Variants in BRD10 observed in about 807,000 individuals in gnomAD.
BRD10 encodes the protein bromodomain containing 10, also known as uncharacterized bromodomain-containing protein 10.
At chr9:5,948,420 T>C in the BRD10 span, among the ~76,000 whole-genome samples, 1 of 152,056 alleles carries the variant, frequency 6.6e-6, no homozygotes, top group East Asian at 1.9e-4. Context: ...TTTTATTAAA[T>C]GGTAATATTA....
At chr9:5,923,128 G>T in the BRD10 span, 1 of 1,613,946 alleles carries the variant, frequency 6.2e-7, no homozygotes, top group Admixed American at 1.7e-5. Flanking sequence ...TCTCATTTGT[G>T]CTTAACTTTG....
chr9:5,989,282 T>C, the BRD10 span, among the ~76,000 whole-genome samples: 14 of 132,220 alleles, frequency 1.1e-4, 1 homozygote, highest in South Asian at 3.3e-3. Context: ...TAGTCAGGCA[T>C]GGTGGTGAGC....
At chr9:5,900,180 T>C in the BRD10 span, among the ~76,000 whole-genome samples, 1 of 152,190 alleles carries the variant, frequency 6.6e-6, no homozygotes, top group Non-Finnish European at 1.5e-5. Flanking sequence ...CTTAAATTCA[T>C]TTAATTGAAA....
the BRD10 span, among the ~76,000 whole-genome samples, chr9:5,952,468 ACTG>A: frequency 5.8e-4 from 88 of 152,236 alleles, no homozygotes; most frequent in East Asian, 2.1e-3. Context: ...ACATATTCAC[ACTG>A]CTATGTGTAG....
the BRD10 span, among the ~76,000 whole-genome samples, chr9:6,003,468 C>T: frequency 6.6e-6 from 1 of 152,170 alleles, no homozygotes; most frequent in Non-Finnish European, 1.5e-5. Context: ...TGCTATTTCT[C>T]ACAGTTGCCT....
chr9:5,924,262 A>G, the BRD10 span, among the ~76,000 whole-genome samples: 10 of 152,044 alleles, frequency 6.6e-5, no homozygotes, highest in Admixed American at 5.9e-4. Flanking sequence ...TGAAACTCCT[A>G]GAAATGTAAT....
At chr9:5,982,634 T>C in the BRD10 span, among the ~76,000 whole-genome samples, 3 of 152,220 alleles carry the variant, frequency 2.0e-5, no homozygotes, top group African/African-American at 4.8e-5. Context: ...CCAGATGTAC[T>C]CCCTGACCTT....
chr9:6,008,241 GCTC>G, the BRD10 span: 3 of 981,566 alleles, frequency 3.1e-6, no homozygotes, highest in Non-Finnish European at 3.6e-6. Flanking sequence ...GGCGGCTCCG[GCTC>G]CTCCTCTCCC....
At chr9:5,878,845 G>T in the BRD10 span, among the ~76,000 whole-genome samples, 1 of 152,336 alleles carries the variant, frequency 6.6e-6, no homozygotes, top group Admixed American at 6.5e-5. Flanking sequence ...TTGTAATGAA[G>T]AAACCTGTTT....
the BRD10 span, among the ~76,000 whole-genome samples, chr9:5,903,686 G>C: frequency 6.6e-6 from 1 of 152,032 alleles, no homozygotes; most frequent in Non-Finnish European, 1.5e-5. Flanking sequence ...TGTGTTCTTA[G>C]GTACATGCAA....
At chr9:5,921,810 G>C in the BRD10 span, 1 of 1,613,998 alleles carries the variant, frequency 6.2e-7, no homozygotes, top group Non-Finnish European at 8.5e-7. Flanking sequence ...GACTTCAAGG[G>C]AGAAGAGGGC....
the BRD10 span, among the ~76,000 whole-genome samples, chr9:5,887,977 C>G: frequency 1.3e-5 from 2 of 152,192 alleles, no homozygotes; most frequent in Non-Finnish European, 2.9e-5. Flanking sequence ...TGGTGACTAT[C>G]CAGTATCTGG....
At chr9:5,920,754 A>T in the BRD10 span, 159 of 1,613,828 alleles carry the variant, frequency 9.9e-5, no homozygotes, top group South Asian at 1.7e-3. Context: ...GGTGTAGGTA[A>T]GGCAACCGTA....
the BRD10 span, among the ~76,000 whole-genome samples, chr9:5,941,759 T>C: frequency 2.0e-5 from 3 of 152,118 alleles, no homozygotes; most frequent in South Asian, 6.2e-4. Flanking sequence ...AACATAAAGC[T>C]GCTCTAAAAA....
At chr9:5,887,074 A>T in the BRD10 span, among the ~76,000 whole-genome samples, 1 of 152,074 alleles carries the variant, frequency 6.6e-6, no homozygotes, top group Non-Finnish European at 1.5e-5. Context: ...GCCTGGCCAA[A>T]ATAGCAAAAT....
At chr9:5,977,704 A>G in the BRD10 span, among the ~76,000 whole-genome samples, 1 of 152,042 alleles carries the variant, frequency 6.6e-6, no homozygotes, top group African/African-American at 2.4e-5. Context: ...GCGTGGTGGC[A>G]AGCGCCTGTA....
the BRD10 span, chr9:6,008,229 G>A: frequency 7.3e-5 from 72 of 980,956 alleles, no homozygotes; most frequent in Non-Finnish European, 8.7e-5. Context: ...GGGGGCCGCA[G>A]CGGCGGCTCC....
the BRD10 span, among the ~76,000 whole-genome samples, chr9:5,904,518 GCT>G: frequency 3.9e-5 from 6 of 152,102 alleles, no homozygotes; most frequent in Admixed American, 3.9e-4. Context: ...TGTCGCCCAG[GCT>G]GGAGTGCAGT....
the BRD10 span, chr9:5,919,581 C>A: frequency 9.8e-7 from 1 of 1,017,860 alleles, no homozygotes; most frequent in African/African-American, 1.6e-5. Context: ...CACACACACA[C>A]ACAATGTATA....
Sources: allele counts gnomAD v4.1 joint callset (sites outside exome capture counted in the v4.1 genomes callset), GRCh38; gene constraint gnomAD v4.1.1; transcripts MANE v1.5; gene names NCBI Gene and HGNC (gene_info 2026-07-23, HGNC 2026-07-21).